Variants in MICU3 observed in about 807,000 individuals in gnomAD.
The protein encoded by MICU3 is calcium uptake protein 3, mitochondrial.
A neutral mutation model predicts 66.5 loss-of-function variants in MICU3; 62 were observed. That is an observed-to-expected ratio of 0.93 (90% CI 0.76 to 1.15). The LOEUF (loss-of-function observed/expected upper bound fraction) is 1.15. Among genes scored for constraint, MICU3 ranks in the 50% most tolerant of loss-of-function variants. MICU3 has a pLI of 0.00. For synonymous variants in MICU3, 308 were observed against 240.7 expected (o/e 1.28, Z -2.59); for missense variants, 779 against 664.4 (o/e 1.17, Z -1.90).
intron 4 of MICU3, among the ~76,000 whole-genome samples, chr8:17,079,087 G>T (rs751118960): frequency 6.6e-6 from 1 of 151,956 alleles, no homozygotes; most frequent in Admixed American, 6.6e-5. Context: ...TTAAGGGGAG[G>T]GTTTAATCTG....
chr8:17,027,999 A>G (rs1811321964), intron 1 of MICU3, among the ~76,000 whole-genome samples: 1 of 152,170 alleles, frequency 6.6e-6, no homozygotes. Context: ...AGGTGTGGGA[A>G]AAAGGAACTC....
intron 11 of MICU3, 55 bp from the exon 12 acceptor site, chr8:17,114,038 G>GGTAGCAGT: frequency 8.6e-7 from 1 of 1,163,070 alleles, no homozygotes; most frequent in South Asian, 1.4e-5. Flanking sequence ...TGTAGATCCT[G>GGTAGCAGT]ATTTTAATAA....
chr8:17,087,287 G>C (rs762344023), intron 7 of MICU3, among the ~76,000 whole-genome samples: 1 of 151,840 alleles, frequency 6.6e-6, no homozygotes, highest in Non-Finnish European at 1.5e-5. Flanking sequence ...TTATCTGTGA[G>C]ATTTGAAGGG....
chr8:17,102,232 C>T (rs1186675635), intron 9 of MICU3, among the ~76,000 whole-genome samples: 1 of 151,810 alleles, frequency 6.6e-6, no homozygotes, highest in Non-Finnish European at 1.5e-5. Flanking sequence ...ACAGAGGCGC[C>T]TCTACTCTTA....
At chr8:17,077,157 G>T (rs2150704529) in intron 3 of MICU3, among the ~76,000 whole-genome samples, 1 of 152,286 alleles carries the variant, frequency 6.6e-6, no homozygotes, top group Non-Finnish European at 1.5e-5. Flanking sequence ...AGCAGCAGTT[G>T]AAGTCTGTGT....
At chr8:17,030,530 A>G (rs1811841562) in intron 1 of MICU3, among the ~76,000 whole-genome samples, 1 of 151,986 alleles carries the variant, frequency 6.6e-6, no homozygotes, top group Non-Finnish European at 1.5e-5. Flanking sequence ...GTTGGTGAGT[A>G]TTATGGGCTT....
intron 1 of MICU3, among the ~76,000 whole-genome samples, chr8:17,059,511 G>C (rs72607366): frequency 6.6e-6 from 1 of 151,992 alleles, no homozygotes; most frequent in East Asian, 1.9e-4. Flanking sequence ...TACCACTCTA[G>C]CAATAAGGCA....
intron 1 of MICU3, among the ~76,000 whole-genome samples, chr8:17,049,207 C>T (rs1401603981): frequency 6.6e-6 from 1 of 152,096 alleles, no homozygotes; most frequent in Non-Finnish European, 1.5e-5. Flanking sequence ...TATCCTGGGA[C>T]ACTGAGCCAG....
At chr8:17,095,839 T>C (rs1800619885) in intron 8 of MICU3, among the ~76,000 whole-genome samples, 1 of 151,908 alleles carries the variant, frequency 6.6e-6, no homozygotes, top group Non-Finnish European at 1.5e-5. Flanking sequence ...TGGAATGCCT[T>C]GAATGGGATC....
chr8:17,031,262 T>TTTTTTTATTATTA (rs111800861), intron 1 of MICU3, among the ~76,000 whole-genome samples: 5 of 139,194 alleles, frequency 3.6e-5, no homozygotes, highest in African/African-American at 1.4e-4. Flanking sequence ...TGCCACTTCA[T>TTTTTTTATTATTA]TTATTATTAT....
Position 17,064,039 on chromosome 8 carries a change from G to A in MICU3, c.382-45G>A, listed in dbSNP as rs1263227696. The stretch of plus-strand genomic sequence containing the variant: ...AATTAAAAGTATCTTCTAGAGGGAG[G>A]TATTACTTCACATCATCCAAATGTA... On this transcript the variant is annotated intron_variant, in intron 1 of 14. Coordinates refer to ENST00000318063, the MANE Select transcript of MICU3 (RefSeq NM_181723.3). 6.7e-6 allele frequency: 10 copies of A among 1,489,246 alleles called. No individual in the cohort carries two copies. The East Asian group carries it at 2.3e-4, about 34-fold the overall frequency. The allele number at this position is 1,489,246 out of a possible 1,614,324, so 92.3% of individuals were successfully genotyped here. A position where few individuals can be genotyped will look rare whatever the true frequency, so the allele number is the denominator to read the frequency against.
the MICU3 span, chr8:17,131,934 C>G: frequency 2.6e-5 from 4 of 152,130 alleles, no homozygotes; most frequent in Non-Finnish European, 2.9e-5. Context: ...ATAGTCTGCC[C>G]CTTTGAGTAC....
intron 1 of MICU3, among the ~76,000 whole-genome samples, chr8:17,034,754 A>G (rs1008650439): frequency 1.4e-4 from 22 of 152,274 alleles, no homozygotes; most frequent in African/African-American, 5.3e-4. Context: ...ATTTCATGAT[A>G]AAACTTTAAC....
chr8:17,070,904 G>A (rs1819488917), intron 3 of MICU3, among the ~76,000 whole-genome samples: 1 of 152,122 alleles, frequency 6.6e-6, no homozygotes, highest in Non-Finnish European at 1.5e-5. Flanking sequence ...ACTACTAAGT[G>A]CCTAACAGGT....
chr8:17,109,132 C>G (rs1057004594), intron 11 of MICU3, among the ~76,000 whole-genome samples: 3 of 152,072 alleles, frequency 2.0e-5, no homozygotes, highest in Non-Finnish European at 4.4e-5. Flanking sequence ...CCTGGCTGTC[C>G]TTATTCCTTC....
rs564479282 is a variant in MICU3 at position 17,121,720 on chromosome 8, T to C, written c.*1433T>C. On this transcript the variant is annotated 3_prime_UTR_variant, in exon 15 of 15. Transcript: ENST00000318063. ...AAAAGTAATGTTATTTCCAAGAAAA[T>C]GTTACTCTTAGCATTGATTTTGTAT... The C allele has an allele frequency of 1.4e-4, 21 of 152,382 alleles. No homozygotes were observed. The highest frequency in any genetic ancestry group is 3.0e-4 in the Non-Finnish European group (20 of 67,722). 9.4% of individuals were successfully genotyped at this position (152,382 alleles called of 1,614,324 possible). A position where few individuals can be genotyped will look rare whatever the true frequency, so the allele number is the denominator to read the frequency against.
chr8:17,056,360 A>G (rs1326495871), intron 1 of MICU3, among the ~76,000 whole-genome samples: 1 of 152,176 alleles, frequency 6.6e-6, no homozygotes, highest in African/African-American at 2.4e-5. Context: ...ATTGTGCCAA[A>G]TGAATCATAT....
At position 17,121,288 on chromosome 8, in the gene MICU3, A is replaced by G. The variant is rs1391754569; in HGVS notation, c.*1001A>G. 4 of 151,910 alleles carry G rather than the reference A, an allele frequency of 2.6e-5. No homozygotes were observed. The highest frequency in any genetic ancestry group is 9.7e-5 in the African/African-American group (4 of 41,450). 9.4% of individuals were successfully genotyped at this position (151,910 alleles called of 1,614,324 possible). ...TAATATTTTTGTTTCTTGCAAAAGG[A>G]CCACTTGAAAAGTGATGCTAAACAG... is the stretch of plus-strand genomic sequence containing the variant. On this transcript the variant is annotated 3_prime_UTR_variant, in exon 15 of 15. Coordinates refer to ENST00000318063, the MANE Select transcript of MICU3 (RefSeq NM_181723.3).
At chr8:17,125,582 A>G (rs565982758), downstream of MICU3, among the ~76,000 whole-genome samples, 7 of 152,272 alleles carry the variant, frequency 4.6e-5, no homozygotes, top group South Asian at 1.0e-3. Context: ...CAGTATGTAT[A>G]GGTCTTTTCT....
Sources: allele counts gnomAD v4.1 joint callset (sites outside exome capture counted in the v4.1 genomes callset), GRCh38; gene constraint gnomAD v4.1.1; transcripts MANE v1.5; gene names NCBI Gene and HGNC (gene_info 2026-07-23, HGNC 2026-07-21).